TULP4: variants seen among roughly 807,000 people sequenced by gnomAD.
TULP4 encodes TUB like protein 4.
Under a neutral mutation model 129.0 loss-of-function variants are expected in TULP4, and 16 were observed. That is an observed-to-expected ratio of 0.12 (90% CI 0.08 to 0.19). The LOEUF is 0.19. Among genes scored for constraint, TULP4 ranks in the 10% least tolerant of loss-of-function variants. The pLI is 1.00. For missense variants in TULP4, 1,842 were observed against 2,059.1 expected, an observed-to-expected ratio of 0.89 and a Z score of 2.04; for synonymous variants, 998 against 854.0, an observed-to-expected ratio of 1.17 and a Z score of -2.94.
At chr6:158,479,322 T>A (rs1282676877) in intron 6 of TULP4, among the ~76,000 whole-genome samples, 4 of 152,228 alleles carry the variant, frequency 2.6e-5, no homozygotes, top group Non-Finnish European at 5.9e-5. Context: ...AGAGCTCAGT[T>A]GGGTTTCATG....
chr6:158,239,633 G>T (rs1424276069), intron 1 of TULP4, among the ~76,000 whole-genome samples: 2 of 67,058 alleles, frequency 3.0e-5, no homozygotes, highest in African/African-American at 1.0e-4. Context: ...CTGGCCGGGT[G>T]GGGGGCTGAC....
chr6:158,334,020 G>A (rs1779976419), intron 1 of TULP4, among the ~76,000 whole-genome samples: 1 of 152,172 alleles, frequency 6.6e-6, no homozygotes, highest in Non-Finnish European at 1.5e-5. Context: ...AGTGTCGCGA[G>A]TATCCGCTTA....
chr6:158,411,568 G>A (rs1387112386), intron 1 of TULP4, among the ~76,000 whole-genome samples: 2 of 152,188 alleles, frequency 1.3e-5, no homozygotes, highest in Non-Finnish European at 2.9e-5. Flanking sequence ...AAAGAGCTAT[G>A]ATATTCTTCA....
intron 1 of TULP4, among the ~76,000 whole-genome samples, chr6:158,340,937 C>G (rs1192309181): frequency 2.0e-5 from 3 of 152,118 alleles, no homozygotes; most frequent in African/African-American, 2.4e-5. Context: ...AAGGCTCTCT[C>G]TGTTTTTTTG....
At chr6:158,344,447 C>T (rs866544216) in intron 1 of TULP4, among the ~76,000 whole-genome samples, 1 of 152,146 alleles carries the variant, frequency 6.6e-6, no homozygotes, top group South Asian at 2.1e-4. Context: ...CTTTCGGTGC[C>T]ATGTTTTCAA....
At chr6:158,378,463 G>GTTTTGT (rs1777242199) in intron 1 of TULP4, among the ~76,000 whole-genome samples, 1 of 53,642 alleles carries the variant, frequency 1.9e-5, no homozygotes, top group Admixed American at 3.0e-4. Context: ...GGGGGAGCCA[G>GTTTTGT]TTTTTTTTTT....
At chr6:158,309,853 C>T (rs1057513012), upstream of TULP4, among the ~76,000 whole-genome samples, 23 of 132,838 alleles carry the variant, frequency 1.7e-4, no homozygotes, top group African/African-American at 4.4e-4. Flanking sequence ...AGTCCAGCTT[C>T]GGCTTGGCAT....
chr6:158,488,055 C>CG (rs1330239557), intron 8 of TULP4, among the ~76,000 whole-genome samples: 1 of 152,050 alleles, frequency 6.6e-6, no homozygotes, highest in Admixed American at 6.5e-5. Context: ...CACTTGAGTC[C>CG]GGGGGTTTAA....
intron 1 of TULP4, among the ~76,000 whole-genome samples, chr6:158,382,782 T>C (rs1439576857): frequency 3.9e-5 from 6 of 152,204 alleles, no homozygotes; most frequent in Admixed American, 3.9e-4. Context: ...GTCTCAGCTT[T>C]GGTAATCTCT....
chr6:158,237,104 C>T (rs560307782), intron 1 of TULP4, among the ~76,000 whole-genome samples: 13 of 152,006 alleles, frequency 8.6e-5, no homozygotes, highest in Admixed American at 2.0e-4. Flanking sequence ...CCACCGTGCC[C>T]GGCCATATTT....
chr6:158,423,299 GA>G (rs1778397551), intron 2 of TULP4, among the ~76,000 whole-genome samples: 1 of 152,200 alleles, frequency 6.6e-6, no homozygotes, highest in Admixed American at 6.5e-5. Flanking sequence ...GAAAAAACTT[GA>G]TATTAGACTT....
At chr6:158,355,729 A>G (rs1426609597) in intron 1 of TULP4, among the ~76,000 whole-genome samples, 1 of 152,210 alleles carries the variant, frequency 6.6e-6, no homozygotes, top group Non-Finnish European at 1.5e-5. Context: ...GGTGGCAAGT[A>G]AGAAGGTTAC....
At chr6:158,378,485 T>TTTTTTTTG (rs1554285635) in intron 1 of TULP4, among the ~76,000 whole-genome samples, 763 of 51,184 alleles carry the variant, frequency 0.015, 19 homozygotes, top group Non-Finnish European at 0.017. Flanking sequence ...TTTTTTTTTT[T>TTTTTTTTG]GGTGGGGGTG....
chr6:158,337,035 T>TTCTTTTTCTTTC (rs1554281465), intron 1 of TULP4, among the ~76,000 whole-genome samples: 3 of 26,636 alleles, frequency 1.1e-4, no homozygotes, highest in Non-Finnish European at 3.6e-4. Context: ...CTTTCTTTCT[T>TTCTTTTTCTTTC]TTTCTTTCTT....
chr6:158,269,931 C>T (rs1195162801), intron 1 of TULP4, among the ~76,000 whole-genome samples: 1 of 152,186 alleles, frequency 6.6e-6, no homozygotes, highest in Non-Finnish European at 1.5e-5. Flanking sequence ...CAGGGTTGCT[C>T]CCTTTATTCC....
rs565150117 is a variant in TULP4 at position 158,299,106 on chromosome 6, C to G, written n.117-12945C>G. ...TCCAAAGTTCTGGGTGTTCTGGGCT[C>G]GGAATGGGGAGTATCCATACTAGGC... is the stretch of plus-strand genomic sequence containing the variant. On this transcript the variant is annotated intron_variant and non_coding_transcript_variant, in intron 1 of 1. Transcript: ENST00000432358. Among the ~76,000 whole-genome samples the G allele has an allele frequency of 4.0e-5, 6 of 150,252 alleles. No individual in the cohort carries two copies. The East Asian group carries it at 1.2e-3, about 29-fold the overall frequency.
In TULP4 at chr6:158,511,275, C is replaced by T. The variant is rs1780734803; in HGVS notation, c.*4581C>T. 2 of 152,528 alleles carry T rather than the reference C, an allele frequency of 1.3e-5. No individual in the cohort carries two copies. The highest frequency in any genetic ancestry group is 4.1e-4 in the South Asian group (2 of 4,834). 9.4% of individuals were successfully genotyped at this position (152,528 alleles called of 1,614,324 possible). A position where few individuals can be genotyped will look rare whatever the true frequency, so the allele number is the denominator to read the frequency against. On this transcript the variant is annotated 3_prime_UTR_variant, in exon 14 of 14. Coordinates refer to ENST00000367097, the MANE Select transcript of TULP4 (RefSeq NM_020245.5). ...GTTATGCGTTTGACTGAAAAAGACA[C>T]TGTATTATTTACCAAAGGGGTATTG...
intron 1 of TULP4, among the ~76,000 whole-genome samples, chr6:158,240,851 C>A (rs1777881988): frequency 6.6e-6 from 1 of 150,838 alleles, no homozygotes; most frequent in African/African-American, 2.4e-5. Flanking sequence ...GGGGGCTGAC[C>A]CCCCACCTCC....
At chr6:158,446,734 A>T (rs1779050987) in intron 3 of TULP4, among the ~76,000 whole-genome samples, 1 of 152,040 alleles carries the variant, frequency 6.6e-6, no homozygotes, top group African/African-American at 2.4e-5. Context: ...CCTCAGATCA[A>T]AGTGCCAGCC....
Sources: allele counts gnomAD v4.1 joint callset (sites outside exome capture counted in the v4.1 genomes callset), GRCh38; gene constraint gnomAD v4.1.1; transcripts MANE v1.5; gene names NCBI Gene and HGNC (gene_info 2026-07-23, HGNC 2026-07-21).